The following SIPA1L1 variants were observed in gnomAD, a reference collection of about 807,000 sequenced individuals.
SIPA1L1 encodes signal-induced proliferation-associated 1-like protein 1.
In SIPA1L1, 26 loss-of-function variants were observed where a neutral mutation model predicts 162.7. The ratio of observed to expected loss-of-function variants is 0.16; its 90% CI spans 0.12 to 0.22. The LOEUF (loss-of-function observed/expected upper bound fraction) is 0.22. Among genes scored for constraint, SIPA1L1 ranks in the 10% least tolerant of loss-of-function variants. The probability of loss-of-function intolerance (pLI) is 1.00; values close to 1 mark genes in which losing one functional copy is unlikely to be tolerated. For synonymous variants in SIPA1L1, 829 were observed against 837.4 expected (o/e 0.99, Z 0.17); for missense variants, 1,874 against 2,241.0 (o/e 0.84, Z 3.31).
intron 4 of SIPA1L1, among the ~76,000 whole-genome samples, chr14:71,564,137 T>G (rs571569873): frequency 6.6e-6 from 1 of 152,078 alleles, no homozygotes; most frequent in Non-Finnish European, 1.5e-5. Context: ...TTTTTTGAGA[T>G]GGAGTCTTGC....
chr14:71,504,390 C>T (rs2050488015), intron 2 of SIPA1L1, among the ~76,000 whole-genome samples: 2 of 152,162 alleles, frequency 1.3e-5, no homozygotes, highest in African/African-American at 2.4e-5. Flanking sequence ...GAAATGTTCA[C>T]AGTTTCCTAT....
intron 4 of SIPA1L1, among the ~76,000 whole-genome samples, chr14:71,547,825 C>T (rs1369782457): frequency 1.3e-5 from 2 of 152,054 alleles, no homozygotes; most frequent in Non-Finnish European, 2.9e-5. Flanking sequence ...TTTCTTCACC[C>T]AAACCAATGT....
At chr14:71,358,066 G>T (rs1408204798) in intron 2 of SIPA1L1, among the ~76,000 whole-genome samples, 1 of 152,138 alleles carries the variant, frequency 6.6e-6, no homozygotes, top group Non-Finnish European at 1.5e-5. Context: ...TTGCCATGTT[G>T]CCCAGGCTGG....
intron 5 of SIPA1L1, among the ~76,000 whole-genome samples, chr14:71,603,659 ACGC>A (rs1459902617): frequency 1.3e-5 from 2 of 151,976 alleles, no homozygotes; most frequent in African/African-American, 4.8e-5. Flanking sequence ...ATAGTGGCCC[ACGC>A]CTGTAATCCC....
intron 4 of SIPA1L1, among the ~76,000 whole-genome samples, chr14:71,533,378 T>C (rs2053616091): frequency 6.6e-6 from 1 of 152,218 alleles, no homozygotes; most frequent in African/African-American, 2.4e-5. Flanking sequence ...TAGGAGTCTT[T>C]ACCAGCACTT....
chr14:71,418,811 G>A (rs1352783972), intron 2 of SIPA1L1, among the ~76,000 whole-genome samples: 2 of 152,182 alleles, frequency 1.3e-5, no homozygotes, highest in Non-Finnish European at 2.9e-5. Flanking sequence ...GCCATATGGT[G>A]GGTAAAGTCT....
intron 4 of SIPA1L1, among the ~76,000 whole-genome samples, chr14:71,548,950 G>GTTTA (rs1005304604): frequency 1.3e-5 from 2 of 149,622 alleles, no homozygotes; most frequent in African/African-American, 4.9e-5. Flanking sequence ...ATAGCTTAAA[G>GTTTA]TTTATTTGAC....
intron 2 of SIPA1L1, among the ~76,000 whole-genome samples, chr14:71,474,477 T>C (rs1297757479): frequency 6.6e-6 from 1 of 152,190 alleles, no homozygotes; most frequent in East Asian, 1.9e-4. Context: ...GCTGTTTGAG[T>C]ATCTCTTAGG....
At chr14:71,532,053 G>A (rs973348738) in intron 4 of SIPA1L1, among the ~76,000 whole-genome samples, 1 of 150,856 alleles carries the variant, frequency 6.6e-6, no homozygotes, top group South Asian at 2.1e-4. Context: ...TTACTTAAAT[G>A]TTTAACATTT....
intron 4 of SIPA1L1, among the ~76,000 whole-genome samples, chr14:71,544,053 A>G (rs1166687280): frequency 2.0e-5 from 3 of 149,734 alleles, no homozygotes; most frequent in African/African-American, 7.5e-5. Context: ...ACGCACGCAC[A>G]TGTATGTATA....
intron 7 of SIPA1L1, among the ~76,000 whole-genome samples, chr14:71,641,841 TA>T (rs916546220): frequency 1.3e-5 from 2 of 152,034 alleles, no homozygotes; most frequent in Admixed American, 6.6e-5. Flanking sequence ...TAATTTATAG[TA>T]AAAAAAACAA....
intron 2 of SIPA1L1, among the ~76,000 whole-genome samples, chr14:71,428,414 T>TA (rs2043743236): frequency 6.6e-6 from 1 of 152,000 alleles, no homozygotes; most frequent in Non-Finnish European, 1.5e-5. Flanking sequence ...TTTTTATTTT[T>TA]ATTGTAGGCT....
intron 19 of SIPA1L1, among the ~76,000 whole-genome samples, chr14:71,729,687 A>G (rs1690426889): frequency 6.6e-6 from 1 of 152,178 alleles, no homozygotes; most frequent in African/African-American, 2.4e-5. Context: ...CGTTGTACAA[A>G]TGAGGAATTA....
At chr14:71,356,092 C>T (rs1039567032) in intron 2 of SIPA1L1, among the ~76,000 whole-genome samples, 3 of 152,094 alleles carry the variant, frequency 2.0e-5, no homozygotes, top group African/African-American at 4.8e-5. Context: ...AACCAGGAAC[C>T]CAAGCAAGAC....
At chr14:71,517,181 A>G (rs1013208693) in intron 3 of SIPA1L1, among the ~76,000 whole-genome samples, 7 of 152,006 alleles carry the variant, frequency 4.6e-5, no homozygotes, top group African/African-American at 1.7e-4. Context: ...ACATTATTGT[A>G]TCTTGGTGGA....
intron 2 of SIPA1L1, among the ~76,000 whole-genome samples, chr14:71,370,070 G>A (rs41221): frequency 0.36 from 43,410 of 121,610 alleles, 7,791 homozygotes; most frequent in Admixed American, 0.41. Context: ...GGGCTGAGAC[G>A]ATGGGGTTTT....
chr14:71,667,841 G>A (rs765653359), intron 10 of SIPA1L1, among the ~76,000 whole-genome samples: 4 of 152,112 alleles, frequency 2.6e-5, no homozygotes, highest in South Asian at 2.1e-4. Flanking sequence ...TGAGGCAGGC[G>A]GATCATGAAG....
rs142587292 is a variant in SIPA1L1, at chr14:71,407,112, G to A, written c.-465+85931G>A. On this transcript the variant is annotated intron_variant, in intron 2 of 23. Transcript: ENST00000381232. ...AAAAAAATTGGCTGGGTGTGGTGGC[G>A]CATGCCTGTAATCCCAGCTACTCGG... 9.2e-5 allele frequency among the ~76,000 whole-genome samples: 14 copies of A among 152,240 alleles called. No individual in the cohort carries two copies. In the East Asian group the frequency reaches 2.5e-3, roughly 27 times the overall value.
intron 2 of SIPA1L1, among the ~76,000 whole-genome samples, chr14:71,478,206 T>G (rs1243743220): frequency 6.6e-6 from 1 of 152,238 alleles, no homozygotes; most frequent in Non-Finnish European, 1.5e-5. Context: ...AATAACCACT[T>G]TTTAAATTGG....
Sources: allele counts gnomAD v4.1 joint callset (sites outside exome capture counted in the v4.1 genomes callset), GRCh38; gene constraint gnomAD v4.1.1; transcripts MANE v1.5; gene names NCBI Gene and HGNC (gene_info 2026-07-23, HGNC 2026-07-21).